GHR: variants seen among roughly 807,000 people sequenced by gnomAD.
GHR encodes growth hormone receptor.
In GHR, 35 loss-of-function variants were observed where a neutral mutation model predicts 67.1. That is an observed-to-expected ratio of 0.52 (90% CI 0.40 to 0.69). GHR has a LOEUF of 0.69. Ranked by LOEUF, GHR falls within the 30% of genes least tolerant of loss-of-function variation. The pLI is 0.00. For synonymous variants in GHR, 272 were observed against 269.1 expected (o/e 1.01, Z -0.10); for missense variants, 792 against 764.6 (o/e 1.04, Z -0.42).
At chr5:42,640,369 C>T (rs11948463) in intron 3 of GHR, among the ~76,000 whole-genome samples, 23,927 of 151,918 alleles carry the variant, frequency 0.16, 2,064 homozygotes, top group African/African-American at 0.18. Context: ...TTGTGAGGAG[C>T]GAGTAGGAAC....
intron 3 of GHR, among the ~76,000 whole-genome samples, chr5:42,678,650 C>A (rs1756685967): frequency 6.6e-6 from 1 of 152,086 alleles, no homozygotes. Flanking sequence ...ATAATCTATG[C>A]CAGACAAAGG....
chr5:42,690,176 G>A (rs1240521464), intron 4 of GHR, among the ~76,000 whole-genome samples: 1 of 152,214 alleles, frequency 6.6e-6, no homozygotes, highest in African/African-American at 2.4e-5. Context: ...TTAGTCAGAG[G>A]ATGACATTGT....
At chr5:42,514,293 G>A (rs1201888277) in intron 1 of GHR, 3 of 983,946 alleles carry the variant, frequency 3.0e-6, no homozygotes, top group African/African-American at 3.5e-5. Context: ...GACCCAGGGA[G>A]TCCATATTGG....
chr5:42,554,129 T>C (rs904367851), intron 1 of GHR, among the ~76,000 whole-genome samples: 6 of 152,186 alleles, frequency 3.9e-5, no homozygotes, highest in African/African-American at 1.2e-4. Flanking sequence ...CAAGTATCAA[T>C]ACTCAGTCCC....
intron 1 of GHR, among the ~76,000 whole-genome samples, chr5:42,529,999 CTTTTTTT>C (rs376534691): frequency 0.033 from 1,884 of 57,670 alleles, 93 homozygotes; most frequent in East Asian, 0.26. Flanking sequence ...TGAATCACTT[CTTTTTTT>C]TTTTTTTTTT....
chr5:42,633,526 A>C (rs1217033803), intron 3 of GHR, among the ~76,000 whole-genome samples: 1 of 152,190 alleles, frequency 6.6e-6, no homozygotes, highest in Non-Finnish European at 1.5e-5. Context: ...GTCCGTATAC[A>C]TTCTTAGCTG....
chr5:42,458,027 G>A (rs1365088003), intron 1 of GHR, among the ~76,000 whole-genome samples: 1 of 152,168 alleles, frequency 6.6e-6, no homozygotes, highest in African/African-American at 2.4e-5. Context: ...AGATACCCAT[G>A]TATATCTTAG....
At chr5:42,597,813 G>T (rs930504564) in intron 2 of GHR, among the ~76,000 whole-genome samples, 2 of 152,180 alleles carry the variant, frequency 1.3e-5, no homozygotes, top group Non-Finnish European at 2.9e-5. Context: ...ACTACTAAGT[G>T]AGAAATTCAG....
chr5:42,552,329 C>T (rs4395642), intron 1 of GHR, among the ~76,000 whole-genome samples: 47,706 of 151,942 alleles, frequency 0.31, 9,017 homozygotes, highest in African/African-American at 0.52. Flanking sequence ...GCTCCTTTTC[C>T]GTATTTTTCT....
intron 2 of GHR, among the ~76,000 whole-genome samples, chr5:42,619,221 A>C (rs1753318404): frequency 6.6e-6 from 1 of 152,022 alleles, no homozygotes; most frequent in African/African-American, 2.4e-5. Context: ...ACAGTTCATA[A>C]GTTTATTTCC....
At chr5:42,672,763 A>G (rs1756379146) in intron 3 of GHR, among the ~76,000 whole-genome samples, 1 of 152,204 alleles carries the variant, frequency 6.6e-6, no homozygotes, top group Non-Finnish European at 1.5e-5. Flanking sequence ...ATCTCAAGCT[A>G]TATACAAACT....
chr5:42,481,787 A>AT (rs1030988543), intron 1 of GHR, among the ~76,000 whole-genome samples: 1 of 151,528 alleles, frequency 6.6e-6, no homozygotes, highest in African/African-American at 2.4e-5. Flanking sequence ...CATTCATCTA[A>AT]TTTTTTTTCA....
chr5:42,513,096 T>C (rs374634551), intron 1 of GHR, among the ~76,000 whole-genome samples: 2 of 152,342 alleles, frequency 1.3e-5, no homozygotes, highest in African/African-American at 4.8e-5. Flanking sequence ...ACAGGTTGTG[T>C]ATCATTAGCA....
At chr5:42,443,942 T>TATAG (rs1743692277) in intron 1 of GHR, among the ~76,000 whole-genome samples, 1 of 146,286 alleles carries the variant, frequency 6.8e-6, no homozygotes, top group African/African-American at 2.6e-5. Context: ...GCCAAGGTGA[T>TATAG]ATAGATATAG....
chr5:42,444,792 C>CTCAAATGCCACAACG (rs1368125569), intron 1 of GHR, among the ~76,000 whole-genome samples: 1 of 152,114 alleles, frequency 6.6e-6, no homozygotes, highest in Non-Finnish European at 1.5e-5. Context: ...CGAGGTGGAA[C>CTCAAATGCCACAACG]TCAAATGCCA....
At chr5:42,673,388 A>G (rs1178691793) in intron 3 of GHR, among the ~76,000 whole-genome samples, 1 of 152,162 alleles carries the variant, frequency 6.6e-6, no homozygotes, top group Non-Finnish European at 1.5e-5. Flanking sequence ...TTACCATTCA[A>G]CCCAGCAATC....
rs544824909 is a variant in GHR, at chr5:42,660,130, A to C, written c.137-28760A>C. Among the ~76,000 whole-genome samples the C allele has an allele frequency of 2.2e-4, 34 of 152,292 alleles. No individual in the cohort carries two copies. The East Asian group carries it at 2.3e-3, about 10-fold the overall frequency. On this transcript the variant is annotated intron_variant, in intron 3 of 9. Coordinates refer to ENST00000230882, the MANE Select transcript of GHR (RefSeq NM_000163.5). ...GAATCTCGAACTGGGTGGAGCCCACAACAGCTCAAGGAGGCCTGCCTGCCT... is the reference window on the plus strand; with the variant it reads ...GAATCTCGAACTGGGTGGAGCCCACCACAGCTCAAGGAGGCCTGCCTGCCT...
intron 1 of GHR, chr5:42,565,620 C>G: frequency 1.1e-5 from 11 of 983,950 alleles, no homozygotes; most frequent in Non-Finnish European, 1.3e-5. Context: ...GTATGAACAT[C>G]TCTAGTGTTC....
At chr5:42,484,715 A>T (rs374537247) in intron 1 of GHR, among the ~76,000 whole-genome samples, 2 of 152,342 alleles carry the variant, frequency 1.3e-5, no homozygotes, top group Middle Eastern at 3.4e-3. Flanking sequence ...GATTCAATAT[A>T]TGAATTTTAC....
Sources: gnomAD v4.1 joint callset for allele counts (sites outside exome capture counted in the v4.1 genomes callset) on GRCh38, gnomAD v4.1.1 for gene constraint, MANE v1.5 for transcripts, NCBI Gene and HGNC (gene_info 2026-07-23, HGNC 2026-07-21) for gene names.